Variants in AGPS observed in about 807,000 individuals in gnomAD.
AGPS encodes the protein alkylglycerone phosphate synthase.
A neutral mutation model predicts 90.7 loss-of-function variants in AGPS; 26 were observed. The observed-to-expected ratio is 0.29, with a 90% CI of 0.21 to 0.40. The LOEUF (loss-of-function observed/expected upper bound fraction) is 0.40, where lower values mean the gene tolerates loss of function less well. Among genes scored for constraint, AGPS ranks in the 10% least tolerant of loss-of-function variants. AGPS has a pLI of 1.00. For missense variants in AGPS, 540 were observed against 816.1 expected, an observed-to-expected ratio of 0.66 and a Z score of 4.12; for synonymous variants, 294 against 285.3, an observed-to-expected ratio of 1.03 and a Z score of -0.31.
chr2:177,480,889 G>A (rs971898073), intron 10 of AGPS, among the ~76,000 whole-genome samples: 1 of 152,008 alleles, frequency 6.6e-6, no homozygotes, highest in East Asian at 1.9e-4. Context: ...AATTTTGTAA[G>A]ACATATCTAT....
intron 13 of AGPS, among the ~76,000 whole-genome samples, chr2:177,498,558 C>A (rs1688474169): frequency 6.6e-6 from 1 of 150,568 alleles, no homozygotes; most frequent in African/African-American, 2.4e-5. Context: ...CTTAGAAAAG[C>A]CTTCCTTCCT....
intron 10 of AGPS, among the ~76,000 whole-genome samples, chr2:177,476,943 T>C (rs1687795960): frequency 6.6e-6 from 1 of 152,144 alleles, no homozygotes; most frequent in African/African-American, 2.4e-5. Context: ...TCAGTCTGTT[T>C]CGTATGATAT....
intron 11 of AGPS, among the ~76,000 whole-genome samples, chr2:177,484,137 A>G (rs964742432): frequency 1.3e-5 from 2 of 151,620 alleles, no homozygotes; most frequent in African/African-American, 2.4e-5. Context: ...AAGTGTTTTC[A>G]TTTTGTATTA....
At chr2:177,427,314 T>G (rs1275534722) in intron 2 of AGPS, among the ~76,000 whole-genome samples, 1 of 152,184 alleles carries the variant, frequency 6.6e-6, no homozygotes, top group Non-Finnish European at 1.5e-5. Flanking sequence ...CCTGGATTCA[T>G]TGGCTTTTTG....
In AGPS at chr2:177,538,491, G is replaced by C; in HGVS notation, c.*296G>C. On this transcript the variant is annotated 3_prime_UTR_variant, in exon 20 of 20. Transcript: ENST00000264167. ...ATTCCAGAGGAAGCTGCTGCCAGCT[G>C]TTTTGTATTGTTGCTTCCTCTTGGG... The C allele has an allele frequency of 2.6e-6, 1 of 385,934 alleles. No individual in the cohort carries two copies. The highest frequency in any genetic ancestry group is 4.8e-6 in the Non-Finnish European group (1 of 208,156). The allele number at this position is 385,934 out of a possible 1,614,324, so 23.9% of individuals were successfully genotyped here.
intron 18 of AGPS, 97 bp downstream of exon 18, chr2:177,521,465 C>T (rs1689191473): frequency 9.7e-7 from 1 of 1,028,812 alleles, no homozygotes; most frequent in African/African-American, 1.6e-5. Context: ...TCTCTTTAAT[C>T]ACACATGGTT....
chr2:177,416,527 T>G (rs1318076615), intron 1 of AGPS, among the ~76,000 whole-genome samples: 1 of 151,796 alleles, frequency 6.6e-6, no homozygotes, highest in African/African-American at 2.4e-5. Flanking sequence ...TTTTTTTTTG[T>G]TTTGTTTTGT....
intron 11 of AGPS, among the ~76,000 whole-genome samples, chr2:177,482,448 A>C (rs1407422053): frequency 6.6e-6 from 1 of 152,038 alleles, no homozygotes; most frequent in African/African-American, 2.4e-5. Flanking sequence ...TTGTAAGCCA[A>C]GGTAAGATAG....
chr2:177,507,920 T>A (rs748932029), intron 15 of AGPS, 50 bp from the exon 16 acceptor site: 2 of 1,234,800 alleles, frequency 1.6e-6, no homozygotes, highest in South Asian at 2.4e-5. Flanking sequence ...TGTTATTGAT[T>A]CTTCTGCATC....
chr2:177,537,639 A>G (rs911415065), intron 19 of AGPS, among the ~76,000 whole-genome samples: 1 of 152,140 alleles, frequency 6.6e-6, no homozygotes, highest in African/African-American at 2.4e-5. Context: ...TTTTAAGGAT[A>G]TATATCCTGT....
At chr2:177,423,674 A>G (rs984980709) in intron 2 of AGPS, among the ~76,000 whole-genome samples, 5 of 152,250 alleles carry the variant, frequency 3.3e-5, no homozygotes, top group African/African-American at 1.2e-4. Flanking sequence ...ATTTTGCAGG[A>G]GGGCGACTTT....
chr2:177,401,579 C>T (rs2105586894), intron 1 of AGPS, among the ~76,000 whole-genome samples: 1 of 150,670 alleles, frequency 6.6e-6, no homozygotes, highest in African/African-American at 2.4e-5. Context: ...GAGTCTCGCT[C>T]TGTTGCCCAG....
At chr2:177,484,566 G>A (rs1170083589) in intron 11 of AGPS, among the ~76,000 whole-genome samples, 1 of 151,744 alleles carries the variant, frequency 6.6e-6, no homozygotes, top group Non-Finnish European at 1.5e-5. Flanking sequence ...GGCTCGTCTC[G>A]AACTCCTGAC....
At chr2:177,428,112 GT>G (rs1429169433) in intron 2 of AGPS, among the ~76,000 whole-genome samples, 1 of 152,042 alleles carries the variant, frequency 6.6e-6, no homozygotes, top group African/African-American at 2.4e-5. Context: ...GTCTTTGTTG[GT>G]TTAAAGTCTG....
At chr2:177,477,208 T>C (rs1462013931) in intron 10 of AGPS, among the ~76,000 whole-genome samples, 3 of 152,146 alleles carry the variant, frequency 2.0e-5, no homozygotes, top group Non-Finnish European at 4.4e-5. Context: ...TCATGTCTTT[T>C]TGTTTCTGTA....
At chr2:177,483,311 G>C (rs571712830) in intron 11 of AGPS, among the ~76,000 whole-genome samples, 37 of 152,204 alleles carry the variant, frequency 2.4e-4, no homozygotes, top group African/African-American at 8.9e-4. Context: ...TCCCAGTGCT[G>C]TTTATTCCAT....
chr2:177,398,156 C>G (rs1380486670), intron 1 of AGPS, among the ~76,000 whole-genome samples: 1 of 152,154 alleles, frequency 6.6e-6, no homozygotes, highest in Non-Finnish European at 1.5e-5. Context: ...ATCCTGAAGC[C>G]TGTAAGAGCT....
intron 1 of AGPS, among the ~76,000 whole-genome samples, chr2:177,395,427 A>G (rs1685146267): frequency 6.6e-6 from 1 of 152,240 alleles, no homozygotes; most frequent in African/African-American, 2.4e-5. Context: ...TTAGACGACT[A>G]GTGGTAAAAT....
At chr2:177,427,671 T>C (rs1286900324) in intron 2 of AGPS, among the ~76,000 whole-genome samples, 2 of 152,230 alleles carry the variant, frequency 1.3e-5, no homozygotes, top group East Asian at 3.8e-4. Context: ...GTCTTGATTC[T>C]AACCTGATTG....
Sources: gnomAD v4.1 joint callset for allele counts (sites outside exome capture counted in the v4.1 genomes callset) on GRCh38, gnomAD v4.1.1 for gene constraint, MANE v1.5 for transcripts, NCBI Gene and HGNC (gene_info 2026-07-23, HGNC 2026-07-21) for gene names.